ADCY2: variants seen among roughly 807,000 people sequenced by gnomAD.
ADCY2 encodes adenylate cyclase type 2.
In ADCY2, 31 loss-of-function variants were observed where a neutral mutation model predicts 125.2. The ratio of observed to expected loss-of-function variants is 0.25; its 90% CI spans 0.19 to 0.33. ADCY2 has a LOEUF of 0.33. Among genes scored for constraint, ADCY2 ranks in the 10% least tolerant of loss-of-function variants. The pLI is 1.00. For missense variants in ADCY2, 904 were observed against 1,418.2 expected (o/e 0.64, Z 5.82); for synonymous variants, 512 against 548.4 (o/e 0.93, Z 0.93).
chr5:7,733,144 A>G (rs1560920115), intron 14 of ADCY2, among the ~76,000 whole-genome samples: 1 of 152,254 alleles, frequency 6.6e-6, no homozygotes, highest in Non-Finnish European at 1.5e-5. Flanking sequence ...CAATTTAGGT[A>G]AATAACATGT....
At chr5:7,413,218 A>G (rs968156310) in intron 1 of ADCY2, among the ~76,000 whole-genome samples, 5 of 151,996 alleles carry the variant, frequency 3.3e-5, no homozygotes, top group African/African-American at 1.2e-4. Context: ...CCTTGTGCCC[A>G]CCTGTAAAGA....
chr5:7,573,205 C>T (rs1339038224), intron 3 of ADCY2, among the ~76,000 whole-genome samples: 2 of 152,140 alleles, frequency 1.3e-5, no homozygotes, highest in African/African-American at 4.8e-5. Context: ...TGTGGTACTT[C>T]GTTATGACAC....
At chr5:7,777,410 A>T (rs892191392) in intron 18 of ADCY2, among the ~76,000 whole-genome samples, 5 of 152,362 alleles carry the variant, frequency 3.3e-5, no homozygotes, top group African/African-American at 1.2e-4. Context: ...ATGAATGAAC[A>T]AAAGCATGTC....
intron 7 of ADCY2, among the ~76,000 whole-genome samples, chr5:7,701,694 G>C (rs1741083233): frequency 1.3e-5 from 2 of 151,974 alleles, no homozygotes; most frequent in South Asian, 4.2e-4. Flanking sequence ...TCTACTTTCT[G>C]TCTCTGTGAT....
intron 16 of ADCY2, among the ~76,000 whole-genome samples, chr5:7,761,290 C>T (rs1292210283): frequency 6.7e-6 from 1 of 150,298 alleles, no homozygotes; most frequent in East Asian, 2.0e-4. Context: ...GCTGGGATTT[C>T]AGGCACCCAC....
At chr5:7,727,876 G>T (rs1040446557) in intron 14 of ADCY2, among the ~76,000 whole-genome samples, 1 of 152,162 alleles carries the variant, frequency 6.6e-6, no homozygotes, top group African/African-American at 2.4e-5. Context: ...GGTGAAAAAC[G>T]AATCGCTTTA....
At chr5:7,690,511 A>C in intron 4 of ADCY2, 180 bp from the exon 5 acceptor site, 1 of 437,168 alleles carries the variant, frequency 2.3e-6, no homozygotes, top group East Asian at 3.5e-5. Context: ...ATAATGATAC[A>C]GTCCGACCTT....
chr5:7,445,436 T>A (rs1348932659), intron 2 of ADCY2, among the ~76,000 whole-genome samples: 1 of 152,204 alleles, frequency 6.6e-6, no homozygotes, highest in Non-Finnish European at 1.5e-5. Context: ...GTTTTATTTT[T>A]GGAAATTATA....
chr5:7,447,050 C>G (rs1297702517), intron 2 of ADCY2, among the ~76,000 whole-genome samples: 2 of 152,036 alleles, frequency 1.3e-5, no homozygotes, highest in Non-Finnish European at 2.9e-5. Flanking sequence ...GCATGTGTTT[C>G]TTCACTTTCG....
chr5:7,816,364 G>C (rs927049835), intron 22 of ADCY2, among the ~76,000 whole-genome samples: 4 of 152,306 alleles, frequency 2.6e-5, no homozygotes, highest in African/African-American at 7.2e-5. Context: ...GAGGAGGAAC[G>C]AGGCCCCAAG....
intron 7 of ADCY2, among the ~76,000 whole-genome samples, chr5:7,706,054 A>T (rs907880323): frequency 6.6e-6 from 1 of 152,204 alleles, no homozygotes; most frequent in Non-Finnish European, 1.5e-5. Flanking sequence ...CTTCCTGTAT[A>T]CTTGTTTTGC....
intron 16 of ADCY2, 25 bp from the exon 17 acceptor site, chr5:7,766,662 A>G (rs1435742464): frequency 6.2e-7 from 1 of 1,609,562 alleles, no homozygotes; most frequent in Admixed American, 1.7e-5. Context: ...ACATTAATTC[A>G]TTGAAAAAAA....
chr5:7,420,144 G>A (rs1015496212), intron 2 of ADCY2, among the ~76,000 whole-genome samples: 7 of 152,120 alleles, frequency 4.6e-5, no homozygotes, highest in African/African-American at 1.2e-4. Context: ...CTGTCATCTC[G>A]CGGGCAGAAG....
intron 15 of ADCY2, among the ~76,000 whole-genome samples, chr5:7,751,059 T>C (rs1433618005): frequency 2.6e-5 from 4 of 152,194 alleles, no homozygotes; most frequent in African/African-American, 9.6e-5. Flanking sequence ...TGCTATTTTG[T>C]GGTTTATTTC....
At chr5:7,479,045 T>A (rs1742625102) in intron 2 of ADCY2, among the ~76,000 whole-genome samples, 1 of 152,182 alleles carries the variant, frequency 6.6e-6, no homozygotes, top group South Asian at 2.1e-4. Flanking sequence ...TTTGGATGAT[T>A]AAAACTTGGC....
intron 4 of ADCY2, among the ~76,000 whole-genome samples, chr5:7,629,551 G>C (rs1278101858): frequency 6.6e-6 from 1 of 152,160 alleles, no homozygotes; most frequent in African/African-American, 2.4e-5. Context: ...TCAGAGTTGT[G>C]TTCTTGCCCT....
At position 7,827,085 on chromosome 5, in the gene ADCY2, G is replaced by C. The variant is rs1206847018; in HGVS notation, c.*214G>C. On this transcript the variant is annotated 3_prime_UTR_variant, in exon 25 of 25. Coordinates refer to ENST00000338316, the MANE Select transcript of ADCY2 (RefSeq NM_020546.3). ...GCACTGTGCTTGCTCCTAAGCAAAAGGGAAAAGGAGCGCGCGTGATAGAAG... is the reference window on the plus strand; with the variant it reads ...GCACTGTGCTTGCTCCTAAGCAAAACGGAAAAGGAGCGCGCGTGATAGAAG... 3.7e-6 allele frequency: 2 copies of C among 538,870 alleles called. No individual in the cohort carries two copies. The highest frequency in any genetic ancestry group is 1.9e-5 in the African/African-American group (1 of 52,304). The allele number at this position is 538,870 out of a possible 1,614,324, so 33.4% of individuals were successfully genotyped here. A position where few individuals can be genotyped will look rare whatever the true frequency, so the allele number is the denominator to read the frequency against.
intron 14 of ADCY2, among the ~76,000 whole-genome samples, chr5:7,732,068 G>A (rs189412888): frequency 1.3e-5 from 2 of 152,272 alleles, no homozygotes; most frequent in Non-Finnish European, 2.9e-5. Context: ...GAGTTGTAAT[G>A]GCATCACTAT....
At chr5:7,743,410 TC>T (rs1435167423) in intron 14 of ADCY2, among the ~76,000 whole-genome samples, 1 of 151,808 alleles carries the variant, frequency 6.6e-6, no homozygotes, top group Non-Finnish European at 1.5e-5. Context: ...TTAAAAAGAT[TC>T]TTTATCCTTC....
Sources: allele counts gnomAD v4.1 joint callset (sites outside exome capture counted in the v4.1 genomes callset), GRCh38; gene constraint gnomAD v4.1.1; transcripts MANE v1.5; gene names NCBI Gene and HGNC (gene_info 2026-07-23, HGNC 2026-07-21).